The following ZNF385D variants were observed in gnomAD, a reference collection of about 807,000 sequenced individuals.
The protein encoded by ZNF385D is zinc finger protein 385D, also known as zinc finger protein 659.
In ZNF385D, 15 loss-of-function variants were observed where a neutral mutation model predicts 35.8. That is an observed-to-expected ratio of 0.42 (90% CI 0.28 to 0.64). The LOEUF (loss-of-function observed/expected upper bound fraction) is 0.64, where lower values mean the gene tolerates loss of function less well. Among genes scored for constraint, ZNF385D ranks in the 30% least tolerant of loss-of-function variants. The pLI is 0.23. For missense variants in ZNF385D, 474 were observed against 494.6 expected, an observed-to-expected ratio of 0.96 and a Z score of 0.39; for synonymous variants, 212 against 186.8, an observed-to-expected ratio of 1.13 and a Z score of -1.10.
At chr3:21,471,363 A>G (rs1438555543) in intron 4 of ZNF385D, among the ~76,000 whole-genome samples, 1 of 148,840 alleles carries the variant, frequency 6.7e-6, no homozygotes, top group Non-Finnish European at 1.5e-5. Context: ...TTTTACTACT[A>G]CTTGGTAGGA....
At chr3:22,133,815 T>C (rs1306156379) in intron 3 of ZNF385D, 1 of 151,898 alleles carries the variant, frequency 6.6e-6, no homozygotes. Flanking sequence ...CCTACTTTTC[T>C]CCACAAACAA....
chr3:22,077,325 T>C (rs946569902), intron 3 of ZNF385D, among the ~76,000 whole-genome samples: 1 of 151,942 alleles, frequency 6.6e-6, no homozygotes, highest in Admixed American at 6.6e-5. Context: ...GTTTTACCAC[T>C]GTCAAAAGAG....
intron 4 of ZNF385D, among the ~76,000 whole-genome samples, chr3:21,449,642 T>C (rs1702346489): frequency 6.6e-6 from 1 of 152,214 alleles, no homozygotes; most frequent in African/African-American, 2.4e-5. Context: ...TTTAAAATTG[T>C]TAATTTTCTT....
Position 22,371,555 on chromosome 3 carries a change from C to G in ZNF385D, c.106+895G>C, listed in dbSNP as rs114051713. ...TCCAGAAACACATGAGGTGGACAAG[C>G]CTGATTGTAAGGGGGACAGATCTGG... On this transcript the variant is annotated intron_variant, in intron 2 of 5. Transcript: ENST00000494108. 7.3e-3 allele frequency among the ~76,000 whole-genome samples: 1,111 copies of G among 152,268 alleles called. 22 individuals carry two copies. Among genetic ancestry groups the G allele is most frequent in the African/African-American group, 0.025 (1,034 of 41,542 alleles).
intron 3 of ZNF385D, among the ~76,000 whole-genome samples, chr3:21,939,302 C>T: frequency 6.6e-6 from 1 of 152,124 alleles, no homozygotes; most frequent in African/African-American, 2.4e-5. Flanking sequence ...AGGATAACAA[C>T]ACTGTTAAGT....
chr3:21,602,865 G>C (rs1328126508), intron 2 of ZNF385D, among the ~76,000 whole-genome samples: 1 of 151,944 alleles, frequency 6.6e-6, no homozygotes, highest in Admixed American at 6.6e-5. Context: ...AACAGAACTC[G>C]GCCCACATGC....
chr3:22,149,544 A>G lies in ZNF385D; in HGVS notation c.325+19273T>C, dbSNP rs116393805. On this transcript the variant is annotated intron_variant, in intron 3 of 5. Transcript: ENST00000494108. The stretch of plus-strand genomic sequence containing the variant: ...TACAATATATTTGGGGTAGGCCCCA[A>G]TAATTGAATTTCACCAGGTACTCAG... 2.3e-3 allele frequency among the ~76,000 whole-genome samples: 356 copies of G among 152,292 alleles called. 1 individual carries two copies. Among genetic ancestry groups the G allele is most frequent in the African/African-American group, 7.6e-3 (317 of 41,572 alleles).
intron 3 of ZNF385D, among the ~76,000 whole-genome samples, chr3:21,973,849 T>A (rs934779595): frequency 6.6e-6 from 1 of 151,504 alleles, no homozygotes; most frequent in Non-Finnish European, 1.5e-5. Context: ...AAATTAAATA[T>A]CTGGGAATAA....
rs1473342483 is a variant in ZNF385D at position 21,972,851 on chromosome 3, C to A, written c.325+195966G>T. Among the ~76,000 whole-genome samples the A allele has an allele frequency of 4.0e-5, 6 of 151,870 alleles. No homozygotes were observed. The East Asian group carries it at 1.2e-3, about 29-fold the overall frequency. ...AAGAATAAATTCCTAGACACACAATCTACTAAGATTGAACCGTGAAGAAAT... is the reference window on the plus strand; with the variant it reads ...AAGAATAAATTCCTAGACACACAATATACTAAGATTGAACCGTGAAGAAAT... On this transcript the variant is annotated intron_variant, in intron 3 of 5. Transcript: ENST00000494108.
chr3:21,561,089 G>C (rs529802254), intron 3 of ZNF385D, among the ~76,000 whole-genome samples: 1 of 152,334 alleles, frequency 6.6e-6, no homozygotes, highest in South Asian at 2.1e-4. Context: ...GGCTCTGAGG[G>C]GGTGGGACCC....
At chr3:21,695,629 A>G (rs2067443446) in intron 1 of ZNF385D, among the ~76,000 whole-genome samples, 1 of 152,114 alleles carries the variant, frequency 6.6e-6, no homozygotes, top group Admixed American at 6.5e-5. Flanking sequence ...CATGCTCTAC[A>G]ACACCATAGA....
chr3:22,354,569 T>C (rs988615924), intron 2 of ZNF385D, among the ~76,000 whole-genome samples: 4 of 152,082 alleles, frequency 2.6e-5, no homozygotes, highest in African/African-American at 9.7e-5. Flanking sequence ...GAATAAATAA[T>C]GTATAATAAA....
At position 21,634,365 on chromosome 3, in the gene ZNF385D, AAAGG is replaced by A. The variant is rs201161158; in HGVS notation, c.165+30517_165+30520del. Among the ~76,000 whole-genome samples, 384 of 144,406 alleles carry A rather than the reference AAAGG, an allele frequency of 2.7e-3. 2 individuals are homozygous for A. Among genetic ancestry groups the A allele is most frequent in the African/African-American group, 8.9e-3 (363 of 40,716 alleles). The allele number at this position is 144,406 out of a possible 152,430, so 94.7% of individuals were successfully genotyped here. A position where few individuals can be genotyped will look rare whatever the true frequency, so the allele number is the denominator to read the frequency against. On this transcript the variant is annotated intron_variant, in intron 2 of 7. Coordinates refer to ENST00000281523, the MANE Select transcript of ZNF385D (RefSeq NM_024697.3). ...GAGGAAAGAAAGAAAAGAAAAAAAGAAAGGAAGGAAGGAAAGAAAGGAACGAAAG... is the reference window on the plus strand; with the variant it reads ...GAGGAAAGAAAGAAAAGAAAAAAAGAAAGGAAGGAAAGAAAGGAACGAAAG...
intron 3 of ZNF385D, among the ~76,000 whole-genome samples, chr3:22,033,245 T>C (rs1222323484): frequency 1.3e-5 from 2 of 151,504 alleles, no homozygotes; most frequent in African/African-American, 4.9e-5. Context: ...CTACTAAAAA[T>C]ACAAAAATCA....
At chr3:21,422,884 C>A (rs552350968) in intron 7 of ZNF385D, among the ~76,000 whole-genome samples, 1 of 152,160 alleles carries the variant, frequency 6.6e-6, no homozygotes, top group East Asian at 1.9e-4. Flanking sequence ...CAACATCATA[C>A]TGTATGGGCA....
intron 2 of ZNF385D, among the ~76,000 whole-genome samples, chr3:22,309,949 T>G (rs1040365313): frequency 1.3e-5 from 2 of 152,068 alleles, no homozygotes; most frequent in African/African-American, 4.8e-5. Flanking sequence ...ACTCGCTAAT[T>G]CCCAATAAAG....
chr3:21,473,172 G>A (rs950759463), intron 4 of ZNF385D, among the ~76,000 whole-genome samples: 1 of 151,986 alleles, frequency 6.6e-6, no homozygotes, highest in Admixed American at 6.6e-5. Context: ...TGTTTTAAAA[G>A]TGCAACTGCT....
intron 3 of ZNF385D, among the ~76,000 whole-genome samples, chr3:21,530,452 TG>T (rs1384946948): frequency 4.6e-5 from 7 of 152,152 alleles, no homozygotes; most frequent in African/African-American, 1.7e-4. Flanking sequence ...AGAACATTTT[TG>T]TAGAAGGAAT....
At chr3:21,592,109 A>T (rs530290963) in intron 2 of ZNF385D, among the ~76,000 whole-genome samples, 3 of 152,192 alleles carry the variant, frequency 2.0e-5, no homozygotes, top group Non-Finnish European at 4.4e-5. Context: ...AAGTGAGATT[A>T]TATTTGCAAA....
Sources: allele counts gnomAD v4.1 joint callset (sites outside exome capture counted in the v4.1 genomes callset), GRCh38; gene constraint gnomAD v4.1.1; transcripts MANE v1.5; gene names NCBI Gene and HGNC (gene_info 2026-07-23, HGNC 2026-07-21).